NCAM2: variants seen among roughly 807,000 people sequenced by gnomAD.
NCAM2 encodes N-CAM-2.
In NCAM2, 30 loss-of-function variants were observed where a neutral mutation model predicts 98.1. That is an observed-to-expected ratio of 0.31 (90% CI 0.23 to 0.41). The LOEUF is 0.41. Ranked by LOEUF, NCAM2 falls within the 10% of genes least tolerant of loss-of-function variation. The probability of loss-of-function intolerance (pLI) is 1.00; values close to 1 mark genes in which losing one functional copy is unlikely to be tolerated. For synonymous variants in NCAM2, 368 were observed against 342.4 expected, an observed-to-expected ratio of 1.07 and a Z score of -0.83; for missense variants, 867 against 1,005.8, an observed-to-expected ratio of 0.86 and a Z score of 1.87.
At chr21:21,090,046 T>C (rs1601336009) in intron 1 of NCAM2, among the ~76,000 whole-genome samples, 1 of 152,044 alleles carries the variant, frequency 6.6e-6, no homozygotes, top group Non-Finnish European at 1.5e-5. Context: ...TGCAACGACT[T>C]TCTACTCAAA....
At chr21:21,138,811 G>C (rs940339689) in intron 1 of NCAM2, among the ~76,000 whole-genome samples, 2 of 152,084 alleles carry the variant, frequency 1.3e-5, no homozygotes, top group Non-Finnish European at 2.9e-5. Context: ...ATATACGACT[G>C]ACACTTTCTT....
At chr21:21,443,112 T>C (rs1038400379) in intron 12 of NCAM2, among the ~76,000 whole-genome samples, 2 of 152,162 alleles carry the variant, frequency 1.3e-5, no homozygotes, top group Non-Finnish European at 2.9e-5. Context: ...AAAGATGAGT[T>C]CATGTCCTTT....
intron 8 of NCAM2, among the ~76,000 whole-genome samples, chr21:21,359,303 C>G (rs2075580267): frequency 6.6e-6 from 1 of 151,592 alleles, no homozygotes; most frequent in Non-Finnish European, 1.5e-5. Context: ...TATAATTAGG[C>G]CTGTTAGAAA....
chr21:21,418,851 T>C (rs1283920993), intron 11 of NCAM2, among the ~76,000 whole-genome samples: 3 of 152,144 alleles, frequency 2.0e-5, no homozygotes, highest in Non-Finnish European at 4.4e-5. Context: ...AGTTATTGCA[T>C]ATTTCAAAGT....
At chr21:21,218,277 T>C (rs1258815462) in intron 1 of NCAM2, among the ~76,000 whole-genome samples, 1 of 152,180 alleles carries the variant, frequency 6.6e-6, no homozygotes, top group Non-Finnish European at 1.5e-5. Flanking sequence ...CCAGATTCCA[T>C]CTAGCATATT....
chr21:21,220,116 A>G (rs2070081543), intron 1 of NCAM2, among the ~76,000 whole-genome samples: 1 of 152,170 alleles, frequency 6.6e-6, no homozygotes, highest in Admixed American at 6.5e-5. Context: ...GCTAAATTAC[A>G]ATTAAAAATA....
At chr21:21,065,934 C>T (rs1002281590) in intron 1 of NCAM2, among the ~76,000 whole-genome samples, 1 of 152,066 alleles carries the variant, frequency 6.6e-6, no homozygotes, top group South Asian at 2.1e-4. Context: ...TAAGCACTCC[C>T]CAATGCATGG....
chr21:21,264,217 A>G (rs898447558), intron 1 of NCAM2, among the ~76,000 whole-genome samples: 11 of 152,094 alleles, frequency 7.2e-5, no homozygotes, highest in African/African-American at 2.7e-4. Context: ...AAGAAGACAT[A>G]CAAGTGGCCA....
intron 1 of NCAM2, among the ~76,000 whole-genome samples, chr21:21,138,788 A>T (rs1458935329): frequency 6.6e-6 from 1 of 152,172 alleles, no homozygotes; most frequent in East Asian, 1.9e-4. Flanking sequence ...AGATATATAT[A>T]TTTTTTGCTT....
intron 1 of NCAM2, among the ~76,000 whole-genome samples, chr21:21,036,445 G>A (rs73895158): frequency 0.031 from 4,673 of 152,156 alleles, 237 homozygotes; most frequent in African/African-American, 0.1. Context: ...GGAAGTTTAA[G>A]TTTTTCCCTG....
intron 1 of NCAM2, among the ~76,000 whole-genome samples, chr21:21,260,405 C>G (rs777784580): frequency 1.3e-5 from 2 of 151,800 alleles, no homozygotes; most frequent in Non-Finnish European, 2.9e-5. Flanking sequence ...AGTCATCAAA[C>G]TATCTAAAGT....
intron 5 of NCAM2, among the ~76,000 whole-genome samples, chr21:21,305,617 G>C (rs1386479009): frequency 6.6e-6 from 1 of 151,840 alleles, no homozygotes; most frequent in Non-Finnish European, 1.5e-5. Context: ...TATCAATAAT[G>C]AATTTTTCTC....
chr21:21,156,100 C>A (rs1371336909), intron 1 of NCAM2, among the ~76,000 whole-genome samples: 1 of 151,922 alleles, frequency 6.6e-6, no homozygotes, highest in Non-Finnish European at 1.5e-5. Flanking sequence ...TAATCCTAAT[C>A]CATATTCAAT....
chr21:21,275,193 C>A (rs1260236540), intron 1 of NCAM2, among the ~76,000 whole-genome samples: 2 of 151,952 alleles, frequency 1.3e-5, no homozygotes, highest in Non-Finnish European at 2.9e-5. Context: ...GTAATCCCAG[C>A]ACTTTGGGAG....
intron 1 of NCAM2, among the ~76,000 whole-genome samples, chr21:21,239,566 C>A (rs1033888429): frequency 6.6e-6 from 1 of 152,104 alleles, no homozygotes; most frequent in Admixed American, 6.6e-5. Flanking sequence ...ATATACATCA[C>A]CTAATTATTA....
At chr21:21,457,504 G>A (rs578014471) in intron 12 of NCAM2, among the ~76,000 whole-genome samples, 1 of 152,222 alleles carries the variant, frequency 6.6e-6, no homozygotes, top group East Asian at 1.9e-4. Context: ...GCTGGGCTTG[G>A]TGGCATGCGC....
intron 1 of NCAM2, among the ~76,000 whole-genome samples, chr21:21,155,528 T>G (rs939839530): frequency 1.3e-5 from 2 of 151,872 alleles, no homozygotes; most frequent in African/African-American, 4.8e-5. Context: ...AGCATAGTAC[T>G]TGTTACTCTT....
intron 1 of NCAM2, among the ~76,000 whole-genome samples, chr21:21,279,522 C>A (rs1327748770): frequency 6.6e-6 from 1 of 151,986 alleles, no homozygotes. Context: ...CCACACCCAG[C>A]TAATTTTTGC....
At chr21:21,120,157 T>C (rs552345976) in intron 1 of NCAM2, among the ~76,000 whole-genome samples, 1 of 152,338 alleles carries the variant, frequency 6.6e-6, no homozygotes, top group African/African-American at 2.4e-5. Flanking sequence ...CTTTGCAAGT[T>C]TTATTAGTTT....
Sources: allele counts gnomAD v4.1 joint callset (sites outside exome capture counted in the v4.1 genomes callset), GRCh38; gene constraint gnomAD v4.1.1; transcripts MANE v1.5; gene names NCBI Gene and HGNC (gene_info 2026-07-23, HGNC 2026-07-21).